Variants in PBX3 observed in about 807,000 individuals in gnomAD.
The protein encoded by PBX3 is PBX homeobox 3, also known as pre-B-cell leukemia transcription factor 3.
PBX3 carries 14 observed loss-of-function variants against 48.5 expected under a neutral mutation model. That is an observed-to-expected ratio of 0.29 (90% confidence interval 0.19 to 0.45). The LOEUF (loss-of-function observed/expected upper bound fraction) is 0.45, where lower values mean the gene tolerates loss of function less well. Ranked by LOEUF, PBX3 falls within the 20% of genes least tolerant of loss-of-function variation. The pLI is 1.00. For missense variants in PBX3, 386 were observed against 546.7 expected (o/e 0.71, Z 2.93); for synonymous variants, 210 against 200.3 (o/e 1.05, Z -0.41).
At chr9:125,957,679 T>C (rs958753485) in intron 5 of PBX3, among the ~76,000 whole-genome samples, 1 of 152,228 alleles carries the variant, frequency 6.6e-6, no homozygotes, top group African/African-American at 2.4e-5. Context: ...AAGGTAATAT[T>C]AACTACAAAG....
chr9:125,923,200 C>T (rs779489284), intron 3 of PBX3, among the ~76,000 whole-genome samples: 1 of 152,202 alleles, frequency 6.6e-6, no homozygotes, highest in Non-Finnish European at 1.5e-5. Flanking sequence ...TCTTTGGCTG[C>T]TCTTTAGAAT....
At chr9:125,775,049 T>C (rs898854410) in intron 2 of PBX3, among the ~76,000 whole-genome samples, 9 of 152,124 alleles carry the variant, frequency 5.9e-5, no homozygotes, top group South Asian at 2.1e-4. Flanking sequence ...GTATTTTTAA[T>C]AGAGATGGGG....
intron 4 of PBX3, among the ~76,000 whole-genome samples, chr9:125,931,784 A>G (rs1358363574): frequency 6.6e-6 from 1 of 152,240 alleles, no homozygotes; most frequent in Non-Finnish European, 1.5e-5. Context: ...ATTAAATGTA[A>G]TAGGGTGATA....
Position 125,965,855 on chromosome 9 carries a change from A to G in PBX3, c.1237A>G (p.Thr413Ala). 1.9e-6 allele frequency: 3 copies of G among 1,614,136 alleles called. No homozygotes were observed. Among genetic ancestry groups the G allele is most frequent in the Non-Finnish European group, 2.5e-6 (3 of 1,179,966 alleles). The change falls in exon 9 of 9, where the codon ACA becomes GCA. Residue 413 changes from threonine (T) to alanine (A), a missense_variant. Physicochemically the swap from Thr to Ala is moderately conservative, Grantham distance 58. Coordinates refer to ENST00000373489, the MANE Select transcript of PBX3 (RefSeq NM_006195.6). Reference sequence around the variant, plus strand: ...GGCTAATGGAGGCTGGCAGGACGCAACAACTCCATCTTCTGTGACTTCTCC... The same window carrying G: ...GGCTAATGGAGGCTGGCAGGACGCAGCAACTCCATCTTCTGTGACTTCTCC... ...LNANGGWQDA[T>A]TPSSVTSPTE...
intron 2 of PBX3, among the ~76,000 whole-genome samples, chr9:125,812,999 A>G (rs1588172498): frequency 6.6e-6 from 1 of 152,370 alleles, no homozygotes; most frequent in South Asian, 2.1e-4. Flanking sequence ...CTAGGACATT[A>G]GTGCATACTA....
chr9:125,916,314 T>A (rs1841333311), intron 3 of PBX3, among the ~76,000 whole-genome samples: 1 of 152,180 alleles, frequency 6.6e-6, no homozygotes, highest in Admixed American at 6.5e-5. Context: ...CATTGCACAG[T>A]GAGCTTTTCC....
chr9:125,905,501 T>C (rs1249807290), intron 2 of PBX3, among the ~76,000 whole-genome samples: 1 of 152,074 alleles, frequency 6.6e-6, no homozygotes, highest in East Asian at 1.9e-4. Flanking sequence ...ATCTGGACTA[T>C]GCTTTGAGAA....
At chr9:125,903,677 G>A (rs1282344765) in intron 2 of PBX3, among the ~76,000 whole-genome samples, 2 of 151,796 alleles carry the variant, frequency 1.3e-5, no homozygotes, top group Non-Finnish European at 2.9e-5. Context: ...TAACAAATGA[G>A]AGTTCCCAAA....
At chr9:125,861,697 A>C (rs1839866450) in intron 2 of PBX3, among the ~76,000 whole-genome samples, 1 of 152,216 alleles carries the variant, frequency 6.6e-6, no homozygotes, top group Non-Finnish European at 1.5e-5. Flanking sequence ...ACATTTTGTC[A>C]AGTGAGAGAA....
intron 3 of PBX3, among the ~76,000 whole-genome samples, chr9:125,924,095 C>T (rs1007565482): frequency 2.0e-5 from 3 of 152,124 alleles, no homozygotes; most frequent in Non-Finnish European, 4.4e-5. Context: ...GTCTTGAACT[C>T]CTGGGCTCAA....
At chr9:125,861,997 T>C (rs540988278) in intron 2 of PBX3, among the ~76,000 whole-genome samples, 5 of 152,342 alleles carry the variant, frequency 3.3e-5, no homozygotes, top group Admixed American at 2.6e-4. Flanking sequence ...TTATAAAAAA[T>C]AGCCTGGGGG....
chr9:125,747,811 CCGCGCCCCCCGAAGCGGGCGGGAGT>C (rs1032652865), intron 1 of PBX3, among the ~76,000 whole-genome samples, 158 bp downstream of exon 1: 1 of 151,640 alleles, frequency 6.6e-6, no homozygotes, highest in Non-Finnish European at 1.5e-5. Flanking sequence ...GGGGACTTGC[CCGCGCCCCCCGAAGCGGGCGGGAGT>C]CGGCAAAGTT....
intron 2 of PBX3, among the ~76,000 whole-genome samples, chr9:125,752,010 C>T (rs1406412204): frequency 6.6e-6 from 1 of 151,804 alleles, no homozygotes; most frequent in Non-Finnish European, 1.5e-5. Flanking sequence ...AAATGAAATC[C>T]CACATTTTAG....
At chr9:125,895,222 A>G (rs113993934) in intron 2 of PBX3, among the ~76,000 whole-genome samples, 3,436 of 152,176 alleles carry the variant, frequency 0.023, 39 homozygotes, top group Middle Eastern at 0.048. Flanking sequence ...ATAAATGATA[A>G]AATGTGCAGT....
At chr9:125,816,792 A>G (rs933417251) in intron 2 of PBX3, among the ~76,000 whole-genome samples, 2 of 152,198 alleles carry the variant, frequency 1.3e-5, no homozygotes, top group African/African-American at 4.8e-5. Context: ...CAACACTGAA[A>G]TTGCTTGGCA....
intron 2 of PBX3, among the ~76,000 whole-genome samples, chr9:125,814,605 A>C (rs1190691231): frequency 1.3e-5 from 2 of 152,224 alleles, no homozygotes; most frequent in African/African-American, 4.8e-5. Context: ...TGGAACAGAA[A>C]TGGAGAGACT....
chr9:125,873,135 A>T (rs573975617), intron 2 of PBX3, among the ~76,000 whole-genome samples: 5 of 149,484 alleles, frequency 3.3e-5, no homozygotes, highest in African/African-American at 4.9e-5. Context: ...CAGTGAGCCA[A>T]GATTGCGCCA....
chr9:125,963,920 C>CA (rs1372603618), intron 8 of PBX3, among the ~76,000 whole-genome samples: 1 of 92,102 alleles, frequency 1.1e-5, no homozygotes, highest in East Asian at 4.8e-4. Flanking sequence ...ATTAAATACT[C>CA]AAATCTTTTA....
chr9:125,771,965 G>C (rs1176091768), intron 2 of PBX3, among the ~76,000 whole-genome samples: 1 of 152,160 alleles, frequency 6.6e-6, no homozygotes, highest in Non-Finnish European at 1.5e-5. Flanking sequence ...CTGAGTTCTT[G>C]TTGTGTCTGC....
Sources: allele counts gnomAD v4.1 joint callset (sites outside exome capture counted in the v4.1 genomes callset), GRCh38; gene constraint gnomAD v4.1.1; transcripts MANE v1.5; gene names NCBI Gene and HGNC (gene_info 2026-07-23, HGNC 2026-07-21).